TYW1B: variants seen among roughly 807,000 people sequenced by gnomAD.
TYW1B encodes the protein S-adenosyl-L-methionine-dependent tRNA 4-demethylwyosine synthase TYW1B.
TYW1B carries 73 observed loss-of-function variants against 86.9 expected under a neutral mutation model. The observed-to-expected ratio is 0.84, with a 90% CI of 0.70 to 1.02. The LOEUF (loss-of-function observed/expected upper bound fraction) is 1.02, where lower values mean the gene tolerates loss of function less well. TYW1B is among the 50% of genes least tolerant of loss of function. The pLI is 0.00. For missense variants in TYW1B, 637 were observed against 827.4 expected, an observed-to-expected ratio of 0.77 and a Z score of 2.82; for synonymous variants, 248 against 292.8, an observed-to-expected ratio of 0.85 and a Z score of 1.56.
intron 12 of TYW1B, among the ~76,000 whole-genome samples, chr7:72,622,178 C>G (rs1271136576): frequency 6.6e-6 from 1 of 152,142 alleles, no homozygotes; most frequent in South Asian, 2.1e-4. Context: ...CAAATAATGA[C>G]AAGGAAGATT....
At chr7:72,632,341 A>G (rs1812526195) in intron 11 of TYW1B, among the ~76,000 whole-genome samples, 1 of 121,090 alleles carries the variant, frequency 8.3e-6, no homozygotes, top group Non-Finnish European at 1.6e-5. Context: ...ATACACGTAT[A>G]TATATTATAT....
At position 72,650,450 on chromosome 7, in the gene TYW1B, G is replaced by A. The variant is rs372627616; in HGVS notation, c.1507-21453C>T. On this transcript the variant is annotated intron_variant, in intron 11 of 13. Coordinates refer to ENST00000620995, the MANE Select transcript of TYW1B (RefSeq NM_001145440.3). ...GATAGGAAGATGAGCCCAGAAAGAA[G>A]AGTAGACCACACTTACACTAACATT... is the stretch of plus-strand genomic sequence containing the variant. Among the ~76,000 whole-genome samples the A allele has an allele frequency of 3.6e-4, 55 of 152,210 alleles. 1 individual carries two copies. In the East Asian group the frequency reaches 7.7e-3, roughly 21 times the overall value.
intron 11 of TYW1B, among the ~76,000 whole-genome samples, chr7:72,632,346 T>TATATTATATATATACG (rs1563038541): frequency 6.8e-5 from 7 of 103,594 alleles, no homozygotes; most frequent in African/African-American, 3.2e-4. Flanking sequence ...CGTATATATA[T>TATATTATATATATACG]TATATATATT....
At chr7:72,777,600 G>C (rs1434022878) in intron 6 of TYW1B, 67 bp from the exon 7 acceptor site, 12 of 1,575,170 alleles carry the variant, frequency 7.6e-6, no homozygotes, top group Non-Finnish European at 1.0e-5. Context: ...GCACAATCAT[G>C]AACACCTAGC....
At chr7:72,685,730 C>G (rs1188912413) in intron 11 of TYW1B, among the ~76,000 whole-genome samples, 2 of 152,076 alleles carry the variant, frequency 1.3e-5, no homozygotes, top group South Asian at 4.1e-4. Flanking sequence ...AGGAGAAAGT[C>G]TAGATGACCC....
intron 7 of TYW1B, among the ~76,000 whole-genome samples, chr7:72,757,710 G>A (rs1338402677): frequency 2.0e-5 from 3 of 152,316 alleles, no homozygotes; most frequent in African/African-American, 7.2e-5. Flanking sequence ...AGGGCATGAA[G>A]AGAGGGCTAT....
intron 6 of TYW1B, among the ~76,000 whole-genome samples, chr7:72,790,320 C>T (rs1250435665): frequency 1.3e-5 from 2 of 152,000 alleles, no homozygotes; most frequent in Non-Finnish European, 2.9e-5. Context: ...TGTCTCATGG[C>T]GGACCCATAG....
chr7:72,675,209 G>GC (rs1257387843), intron 11 of TYW1B, among the ~76,000 whole-genome samples: 1 of 151,984 alleles, frequency 6.6e-6, no homozygotes, highest in African/African-American at 2.4e-5. Context: ...GACCAGCCTG[G>GC]CCAACATGGT....
chr7:72,739,534 A>T (rs2129571251), intron 8 of TYW1B, among the ~76,000 whole-genome samples: 1 of 150,356 alleles, frequency 6.7e-6, no homozygotes, highest in African/African-American at 2.5e-5. Flanking sequence ...TGAACCCGGG[A>T]GGCGGAGGTT....
At chr7:72,803,153 C>A (rs1262877908) in intron 5 of TYW1B, among the ~76,000 whole-genome samples, 1 of 152,112 alleles carries the variant, frequency 6.6e-6, no homozygotes, top group African/African-American at 2.4e-5. Flanking sequence ...AGGAGTGTCA[C>A]TTGAAGCCAG....
intron 13 of TYW1B, among the ~76,000 whole-genome samples, chr7:72,608,619 G>C (rs1186226968): frequency 6.6e-6 from 1 of 152,248 alleles, no homozygotes; most frequent in Non-Finnish European, 1.5e-5. Context: ...TATGACAACT[G>C]TATGTTGCCT....
chr7:72,758,486 T>C (rs895251836), intron 7 of TYW1B, among the ~76,000 whole-genome samples: 5 of 152,028 alleles, frequency 3.3e-5, no homozygotes, highest in African/African-American at 1.2e-4. Flanking sequence ...TTTCTCTCTC[T>C]GTTTGTTATC....
intron 6 of TYW1B, among the ~76,000 whole-genome samples, chr7:72,798,130 G>A (rs574702952): frequency 7.2e-5 from 11 of 152,186 alleles, no homozygotes; most frequent in Admixed American, 2.6e-4. Context: ...CCGGCCGGGC[G>A]CGGTGGCTCA....
intron 12 of TYW1B, among the ~76,000 whole-genome samples, chr7:72,622,598 C>T (rs1476317273): frequency 6.6e-5 from 10 of 152,102 alleles, no homozygotes; most frequent in Admixed American, 6.6e-4. Flanking sequence ...GACCCCAGAT[C>T]TGACACGCAC....
intron 10 of TYW1B, among the ~76,000 whole-genome samples, chr7:72,707,009 T>C (rs1400792349): frequency 9.2e-5 from 14 of 152,226 alleles, no homozygotes; most frequent in Admixed American, 9.2e-4. Context: ...TGAAGAATAC[T>C]GAGCCCCAGT....
intron 2 of TYW1B, among the ~76,000 whole-genome samples, chr7:72,818,274 TC>T (rs1788761776): frequency 6.6e-6 from 1 of 151,688 alleles, no homozygotes; most frequent in Non-Finnish European, 1.5e-5. Context: ...ATTAGTCCAT[TC>T]TTGCATTGCT....
intron 8 of TYW1B, among the ~76,000 whole-genome samples, chr7:72,735,774 G>T (rs1787186803): frequency 6.6e-6 from 1 of 151,058 alleles, no homozygotes; most frequent in African/African-American, 2.4e-5. Flanking sequence ...GGAGGCTGAG[G>T]GACAAGAATC....
intron 7 of TYW1B, among the ~76,000 whole-genome samples, chr7:72,767,843 C>A (rs1472503638): frequency 6.6e-6 from 1 of 152,066 alleles, no homozygotes; most frequent in African/African-American, 2.4e-5. Flanking sequence ...ACAAATGGTG[C>A]CAAAACAACT....
rs192222166 is a variant in TYW1B, at chr7:72,709,398, G to A, written c.1370+4223C>T. On this transcript the variant is annotated intron_variant, in intron 10 of 13. Coordinates refer to ENST00000620995, the MANE Select transcript of TYW1B (RefSeq NM_001145440.3). Reference sequence around the variant, plus strand: ...AAATCCAAAAGCGTGGCCGAGCGTGGTGGCTCACGCCTGTAATCCCAGCAC... The same window carrying A: ...AAATCCAAAAGCGTGGCCGAGCGTGATGGCTCACGCCTGTAATCCCAGCAC... Among the ~76,000 whole-genome samples, 614 of 152,082 alleles carry A rather than the reference G, an allele frequency of 4.0e-3. 3 individuals carry two copies. Among genetic ancestry groups the A allele is most frequent in the Middle Eastern group, 0.014 (4 of 294 alleles).
Sources: allele counts gnomAD v4.1 joint callset (sites outside exome capture counted in the v4.1 genomes callset), GRCh38; gene constraint gnomAD v4.1.1; transcripts MANE v1.5; gene names NCBI Gene and HGNC (gene_info 2026-07-23, HGNC 2026-07-21).